TAF1B: variants seen among roughly 807,000 people sequenced by gnomAD.
The protein encoded by TAF1B is TATA box-binding protein-associated factor RNA polymerase I subunit B.
TAF1B carries 61 observed loss-of-function variants against 83.9 expected under a neutral mutation model. The ratio of observed to expected loss-of-function variants is 0.73; its 90% CI spans 0.59 to 0.90. The LOEUF (loss-of-function observed/expected upper bound fraction) is 0.90. Ranked by LOEUF, TAF1B falls within the 40% of genes least tolerant of loss-of-function variation. The probability of loss-of-function intolerance (pLI) is 0.00; values close to 1 mark genes in which losing one functional copy is unlikely to be tolerated. For synonymous variants in TAF1B, 221 were observed against 224.6 expected, an observed-to-expected ratio of 0.98 and a Z score of 0.14; for missense variants, 625 against 677.0, an observed-to-expected ratio of 0.92 and a Z score of 0.85.
chr2:9,887,153 T>C (rs1016907804), intron 8 of TAF1B, among the ~76,000 whole-genome samples: 6 of 152,190 alleles, frequency 3.9e-5, no homozygotes, highest in African/African-American at 1.4e-4. Context: ...CTGACGGCAA[T>C]TCACAGTTTC....
At chr2:9,887,558 T>TA (rs1553287931) in intron 8 of TAF1B, among the ~76,000 whole-genome samples, 8 of 152,102 alleles carry the variant, frequency 5.3e-5, no homozygotes, top group South Asian at 2.1e-4. Flanking sequence ...AAGTTTTTTT[T>TA]ATTGATGTTT....
rs779649377 is a variant in TAF1B at position 9,843,519 on chromosome 2, G to C, written c.-23G>C. Reference sequence around the variant, plus strand: ...GCTACCCGGGTAACGGGTCCCGGCTGTGGAAGCTCCCGCGGCGCCGCGATG... The same window carrying C: ...GCTACCCGGGTAACGGGTCCCGGCTCTGGAAGCTCCCGCGGCGCCGCGATG... On this transcript the variant is annotated 5_prime_UTR_variant, in exon 1 of 15. Transcript: ENST00000263663. 3.9e-5 allele frequency: 59 copies of C among 1,524,446 alleles called. No homozygotes were observed. Among genetic ancestry groups the C allele is most frequent in the Non-Finnish European group, 4.9e-5 (56 of 1,132,940 alleles). The allele number at this position is 1,524,446 out of a possible 1,614,324, so 94.4% of individuals were successfully genotyped here.
At position 9,933,870 on chromosome 2, in the gene TAF1B, A is replaced by G; in HGVS notation, c.1653A>G (p.Arg551=). Reference sequence around the variant, plus strand: ...TAAATCTCTTCTCCTTCCTGCTCAGAATAAAGACTTCCCTTCTCCATGAAG... The same window carrying G: ...TAAATCTCTTCTCCTTCCTGCTCAGGATAAAGACTTCCCTTCTCCATGAAG... ...FILNLFSFLL[R]IKTSLLHEEV... Residue 551 remains arginine (R), a synonymous_variant, in exon 15 of 15, where the codon AGA becomes AGG. Coordinates refer to ENST00000263663, the MANE Select transcript of TAF1B (RefSeq NM_005680.3). 1 of 1,613,882 alleles carries G rather than the reference A, an allele frequency of 6.2e-7. No homozygotes were observed.
intron 8 of TAF1B, among the ~76,000 whole-genome samples, chr2:9,892,728 T>C (rs980082677): frequency 6.6e-6 from 1 of 151,852 alleles, no homozygotes; most frequent in African/African-American, 2.4e-5. Flanking sequence ...TGAGTTATGC[T>C]GCAGTGAACC....
At chr2:9,916,597 C>CA (rs1274723977) in intron 12 of TAF1B, among the ~76,000 whole-genome samples, 1 of 152,106 alleles carries the variant, frequency 6.6e-6, no homozygotes, top group East Asian at 1.9e-4. Context: ...TTAGACTGTT[C>CA]AGGGAACTTC....
intron 11 of TAF1B, 41 bp downstream of exon 11, chr2:9,911,598 G>A: frequency 7.2e-7 from 1 of 1,379,338 alleles, no homozygotes; most frequent in Non-Finnish European, 9.8e-7. Flanking sequence ...AGTGGTTATA[G>A]ATGATAGATT....
intron 14 of TAF1B, among the ~76,000 whole-genome samples, chr2:9,920,303 T>C (rs1485508820): frequency 1.3e-5 from 2 of 152,296 alleles, no homozygotes; most frequent in Non-Finnish European, 2.9e-5. Context: ...AGACCCCCAG[T>C]GTCCTTTTAT....
At chr2:9,891,473 A>G (rs1357633396) in intron 8 of TAF1B, among the ~76,000 whole-genome samples, 1 of 152,288 alleles carries the variant, frequency 6.6e-6, no homozygotes, top group Non-Finnish European at 1.5e-5. Flanking sequence ...AATTTAATAC[A>G]TTTATATAAT....
At chr2:9,861,023 G>A (rs4669473) in intron 5 of TAF1B, among the ~76,000 whole-genome samples, 36,770 of 152,160 alleles carry the variant, frequency 0.24, 5,009 homozygotes, top group East Asian at 0.31. Context: ...AGCATGAGCA[G>A]CGCAGAAGAC....
intron 13 of TAF1B, 114 bp from the exon 14 acceptor site, chr2:9,919,484 C>A: frequency 7.0e-6 from 6 of 858,422 alleles, no homozygotes; most frequent in Non-Finnish European, 1.1e-5. Flanking sequence ...TACTGTGGTA[C>A]ATCTGCGAAA....
intron 8 of TAF1B, among the ~76,000 whole-genome samples, chr2:9,904,148 G>A (rs1231884603): frequency 6.6e-6 from 1 of 151,882 alleles, no homozygotes; most frequent in Non-Finnish European, 1.5e-5. Context: ...AGGTTCAAGG[G>A]GCACATGGGC....
Position 9,902,901 on chromosome 2 carries a change from A to G in TAF1B, c.808-1958A>G, listed in dbSNP as rs75341692. ...AGAAATGTTGGTTTTCTGAAATCCT[A>G]CATGCACATGTGTGTTGTACTATAG... On this transcript the variant is annotated intron_variant, in intron 8 of 14. Coordinates refer to ENST00000263663, the MANE Select transcript of TAF1B (RefSeq NM_005680.3). 6.7e-3 allele frequency among the ~76,000 whole-genome samples: 1,015 copies of G among 152,296 alleles called. 17 individuals are homozygous for G. The highest frequency in any genetic ancestry group is 0.022 in the African/African-American group (935 of 41,560).
At chr2:9,856,763 G>A (rs896988600) in intron 5 of TAF1B, among the ~76,000 whole-genome samples, 4 of 152,066 alleles carry the variant, frequency 2.6e-5, no homozygotes, top group South Asian at 2.1e-4. Flanking sequence ...TTAGCATCAC[G>A]CTAAAATCTT....
At chr2:9,881,861 A>C (rs1311324986) in intron 7 of TAF1B, among the ~76,000 whole-genome samples, 3 of 152,198 alleles carry the variant, frequency 2.0e-5, no homozygotes, top group African/African-American at 7.2e-5. Context: ...GTGAGCAAAC[A>C]GGCAAGGTCC....
At chr2:9,860,541 C>T (rs776714778) in intron 5 of TAF1B, among the ~76,000 whole-genome samples, 4 of 151,990 alleles carry the variant, frequency 2.6e-5, no homozygotes, top group South Asian at 2.1e-4. Context: ...ACTGTAAGAC[C>T]GGATGACATC....
At chr2:9,885,626 A>G (rs1178788686) in intron 8 of TAF1B, among the ~76,000 whole-genome samples, 1 of 152,154 alleles carries the variant, frequency 6.6e-6, no homozygotes, top group African/African-American at 2.4e-5. Flanking sequence ...CTTCACAGTT[A>G]TTCAGTTTTC....
At chr2:9,917,281 G>A (rs532907184) in intron 12 of TAF1B, among the ~76,000 whole-genome samples, 7 of 152,044 alleles carry the variant, frequency 4.6e-5, no homozygotes, top group African/African-American at 1.2e-4. Flanking sequence ...TTCTTAAATC[G>A]GTTAAAATGA....
intron 6 of TAF1B, among the ~76,000 whole-genome samples, chr2:9,875,321 T>G (rs1664290809): frequency 6.6e-6 from 1 of 152,180 alleles, no homozygotes; most frequent in African/African-American, 2.4e-5. Context: ...CATGATTACG[T>G]TTTTGGCTGA....
chr2:9,880,875 A>G (rs1664481794), intron 7 of TAF1B, among the ~76,000 whole-genome samples: 1 of 152,210 alleles, frequency 6.6e-6, no homozygotes, highest in Non-Finnish European at 1.5e-5. Flanking sequence ...TATTAAACCA[A>G]AAATATAATT....
Sources: allele counts gnomAD v4.1 joint callset (sites outside exome capture counted in the v4.1 genomes callset), GRCh38; gene constraint gnomAD v4.1.1; transcripts MANE v1.5; gene names NCBI Gene and HGNC (gene_info 2026-07-23, HGNC 2026-07-21).